Variants in PPP2R1B observed in about 807,000 individuals in gnomAD.
The protein encoded by PPP2R1B is protein phosphatase 2 scaffold subunit Abeta.
A neutral mutation model predicts 72.7 loss-of-function variants in PPP2R1B; 58 were observed. The ratio of observed to expected loss-of-function variants is 0.80; its 90% CI spans 0.65 to 0.99. The LOEUF (loss-of-function observed/expected upper bound fraction) is 0.99, where lower values mean the gene tolerates loss of function less well. PPP2R1B is among the 50% of genes least tolerant of loss of function. PPP2R1B has a pLI of 0.00. For missense variants in PPP2R1B, 695 were observed against 733.6 expected (o/e 0.95, Z 0.61); for synonymous variants, 256 against 264.6 (o/e 0.97, Z 0.32).
chr11:111,708,686 C>T, the PPP2R1B span, among the ~76,000 whole-genome samples: 1 of 151,994 alleles, frequency 6.6e-6, no homozygotes, highest in East Asian at 1.9e-4. Context: ...TGGGCTCAGG[C>T]GATTCTCCCA....
downstream of PPP2R1B, chr11:111,724,196 T>C (rs528413558): frequency 1.4e-5 from 21 of 1,526,902 alleles, no homozygotes; most frequent in South Asian, 2.6e-4. Context: ...TATTCCAGCC[T>C]TTTAAATTTA....
At chr11:111,720,553 G>A in the PPP2R1B span, 1 of 1,613,952 alleles carries the variant, frequency 6.2e-7, no homozygotes, top group African/African-American at 1.3e-5. Context: ...TCTGTTCAGA[G>A]GGACCTGAAC....
In PPP2R1B at chr11:111,748,000, A is replaced by G. The variant is rs756853685; in HGVS notation, c.1353T>C (p.Phe451=). Residue 451 remains phenylalanine, a synonymous_variant, in exon 11 of 15, where the codon TTT becomes TTC. Coordinates refer to ENST00000527614, the MANE Select transcript of PPP2R1B (RefSeq NM_002716.5). ...LLAGQLGVEF[F]DEKLNSLCMA... ...TACATAAAGAATTCAGCTTTTCATC[A>G]AAGAATTCCACACCCTACAGATACA... 1 of 1,613,260 alleles carries G rather than the reference A, an allele frequency of 6.2e-7. No individual in the cohort carries two copies. Among genetic ancestry groups the G allele is most frequent in the Non-Finnish European group, 8.5e-7 (1 of 1,179,720 alleles).
chr11:111,723,677 G>A (rs1431896790), downstream of PPP2R1B: 19 of 1,613,586 alleles, frequency 1.2e-5, no homozygotes, highest in South Asian at 3.3e-5. Flanking sequence ...CCTGAGCCCC[G>A]TCCTGGAGCC....
intron 5 of PPP2R1B, among the ~76,000 whole-genome samples, chr11:111,758,427 T>C (rs565953983): frequency 6.6e-6 from 1 of 152,030 alleles, no homozygotes; most frequent in South Asian, 2.1e-4. Context: ...CCGTCTCTAC[T>C]AAAAATACAA....
intron 3 of PPP2R1B, among the ~76,000 whole-genome samples, chr11:111,761,579 G>A (rs1399786742): frequency 6.6e-6 from 1 of 152,182 alleles, no homozygotes; most frequent in Non-Finnish European, 1.5e-5. Flanking sequence ...AATGCTGAAT[G>A]CAAAATTGCT....
chr11:111,714,785 G>C, the PPP2R1B span, among the ~76,000 whole-genome samples: 2 of 152,164 alleles, frequency 1.3e-5, no homozygotes, highest in Non-Finnish European at 2.9e-5. Flanking sequence ...TTGACCGAAA[G>C]GATTTAGTGT....
downstream of PPP2R1B, chr11:111,725,692 CT>C (rs1189196081): frequency 6.5e-6 from 1 of 152,688 alleles, no homozygotes; most frequent in Non-Finnish European, 1.5e-5. Context: ...TTTAAGTTGC[CT>C]TTCCTCTTTG....
At chr11:111,703,734 G>C in the PPP2R1B span, among the ~76,000 whole-genome samples, 1 of 152,144 alleles carries the variant, frequency 6.6e-6, no homozygotes, top group Non-Finnish European at 1.5e-5. Context: ...GTTTTACATA[G>C]GTATTTAACT....
chr11:111,764,398 G>A (rs1327599604), intron 3 of PPP2R1B, among the ~76,000 whole-genome samples: 1 of 152,100 alleles, frequency 6.6e-6, no homozygotes, highest in Non-Finnish European at 1.5e-5. Flanking sequence ...GTCTGATAAA[G>A]TAGACTCTCA....
rs1555048642 is a variant in PPP2R1B at position 111,753,539 on chromosome 11, A to G, written c.1068T>C (p.Ala356=). 1 of 1,612,908 alleles carries G rather than the reference A, an allele frequency of 6.2e-7. No homozygotes were observed. The highest frequency in any genetic ancestry group is 2.2e-5 in the East Asian group (1 of 44,868). The change falls in exon 9 of 15, where the codon GCT becomes GCC. Residue 356 remains alanine, a synonymous_variant. Transcript: ENST00000527614. ...ACAATCCCATAATTACAGAAGCTAG[A>G]GCCGATTTGACATGTTGATTGGTAT... ...VSDTNQHVKS[A]LASVIMGLST...
chr11:111,751,704 G>A (rs1241631926), intron 10 of PPP2R1B, among the ~76,000 whole-genome samples: 1 of 152,204 alleles, frequency 6.6e-6, no homozygotes, highest in Non-Finnish European at 1.5e-5. Flanking sequence ...TAGGCCAGAT[G>A]CAGTGGCTCA....
At chr11:111,725,669 T>C (rs1943942754), downstream of PPP2R1B, 2 of 152,662 alleles carry the variant, frequency 1.3e-5, no homozygotes, top group South Asian at 4.1e-4. Flanking sequence ...TGATGCTGCA[T>C]CTAGAAAACA....
the PPP2R1B span, among the ~76,000 whole-genome samples, chr11:111,706,959 CAAAAA>C: frequency 5.8e-5 from 3 of 52,082 alleles, no homozygotes; most frequent in Admixed American, 2.0e-4. Flanking sequence ...GACTCCGTCT[CAAAAA>C]AAAAAAAAAA....
the PPP2R1B span, chr11:111,705,016 T>C: frequency 1.9e-6 from 3 of 1,608,506 alleles, no homozygotes; most frequent in East Asian, 6.7e-5. The surrounding 1 kb of genome is among the most constrained non-coding windows in gnomAD (Gnocchi z 4.3). Context: ...ATAACCACTT[T>C]GCTGCCATTT....
the PPP2R1B span, among the ~76,000 whole-genome samples, chr11:111,700,255 G>A: frequency 6.6e-6 from 1 of 152,280 alleles, no homozygotes; most frequent in South Asian, 2.1e-4. Flanking sequence ...ATGCCACTGC[G>A]ATCCATAAAT....
the PPP2R1B span, among the ~76,000 whole-genome samples, chr11:111,698,613 A>C: frequency 2.0e-5 from 3 of 152,290 alleles, no homozygotes; most frequent in African/African-American, 7.2e-5. Context: ...GTGGTGGAGC[A>C]CACCTGTGCT....
chr11:111,740,550 TC>T lies in PPP2R1B; in HGVS notation c.*1045del. On this transcript the variant is annotated 3_prime_UTR_variant, in exon 15 of 15. Coordinates refer to ENST00000527614, the MANE Select transcript of PPP2R1B (RefSeq NM_002716.5). ...CTATTAATTTGCTTCAGTAAACTCT[TC>T]AGCTTAACTCATTATCTTAAATTTC... 2 of 984,950 alleles carry T rather than the reference TC, an allele frequency of 2.0e-6. No individual in the cohort carries two copies. Among genetic ancestry groups the T allele is most frequent in the Non-Finnish European group, 2.4e-6 (2 of 829,460 alleles). The allele number at this position is 984,950 out of a possible 1,614,324, so 61.0% of individuals were successfully genotyped here.
chr11:111,763,788 T>C (rs1345293272), intron 3 of PPP2R1B, among the ~76,000 whole-genome samples: 1 of 152,018 alleles, frequency 6.6e-6, no homozygotes, highest in African/African-American at 2.4e-5. Context: ...AAGTTTGAAA[T>C]ACCTGTTTGA....
Sources: allele counts gnomAD v4.1 joint callset (sites outside exome capture counted in the v4.1 genomes callset), GRCh38; gene constraint gnomAD v4.1.1; non-coding constraint Gnocchi (gnomAD v3.1); transcripts MANE v1.5; gene names NCBI Gene and HGNC (gene_info 2026-07-23, HGNC 2026-07-21).